The following OLA1 variants were observed in gnomAD, a reference collection of about 807,000 sequenced individuals.
OLA1 encodes the protein Obg like ATPase 1.
A neutral mutation model predicts 48.4 loss-of-function variants in OLA1; 14 were observed. That is an observed-to-expected ratio of 0.29 (90% CI 0.19 to 0.45). The LOEUF is 0.45. OLA1 is among the 20% of genes least tolerant of loss of function. The probability of loss-of-function intolerance (pLI) is 1.00; values close to 1 mark genes in which losing one functional copy is unlikely to be tolerated. For synonymous variants in OLA1, 127 were observed against 150.4 expected (o/e 0.84, Z 1.14); for missense variants, 325 against 467.1 (o/e 0.70, Z 2.80).
intron 5 of OLA1, among the ~76,000 whole-genome samples, chr2:174,131,988 G>A (rs900480126): frequency 4.0e-5 from 6 of 151,850 alleles, no homozygotes; most frequent in Admixed American, 2.0e-4. Context: ...AAGTCATCTG[G>A]GTCAGGACAT....
intron 7 of OLA1, among the ~76,000 whole-genome samples, chr2:174,106,751 T>C (rs1397260640): frequency 6.6e-6 from 1 of 152,150 alleles, no homozygotes; most frequent in Non-Finnish European, 1.5e-5. Flanking sequence ...AAGCTATTCT[T>C]ATTTTAGTGT....
chr2:174,236,873 A>C (rs1688863486), intron 2 of OLA1, among the ~76,000 whole-genome samples: 1 of 152,196 alleles, frequency 6.6e-6, no homozygotes, highest in Non-Finnish European at 1.5e-5. Flanking sequence ...CAGGCCTGGA[A>C]GGTGCTCTGG....
At chr2:174,188,856 GAT>G (rs1459368981) in intron 4 of OLA1, among the ~76,000 whole-genome samples, 1 of 152,128 alleles carries the variant, frequency 6.6e-6, no homozygotes, top group East Asian at 1.9e-4. Flanking sequence ...CCATACCCAA[GAT>G]ATCTCATTAT....
At chr2:174,082,649 C>T (rs1399703903) in intron 7 of OLA1, among the ~76,000 whole-genome samples, 2 of 152,030 alleles carry the variant, frequency 1.3e-5, no homozygotes, top group Admixed American at 6.6e-5. Context: ...TGGTTGATCA[C>T]GTACGCAGCT....
intron 4 of OLA1, among the ~76,000 whole-genome samples, chr2:174,216,949 T>C (rs373315318): frequency 2.6e-5 from 4 of 152,216 alleles, no homozygotes; most frequent in African/African-American, 9.6e-5. Flanking sequence ...TTTATATTAC[T>C]TGTAAGGCTT....
At chr2:174,214,355 TACTA>T (rs1353089602) in intron 4 of OLA1, among the ~76,000 whole-genome samples, 1 of 152,044 alleles carries the variant, frequency 6.6e-6, no homozygotes, top group Non-Finnish European at 1.5e-5. Context: ...AAATAAACAG[TACTA>T]ACTAAGCAAA....
At chr2:174,087,561 A>T (rs1184437808) in intron 7 of OLA1, among the ~76,000 whole-genome samples, 2 of 148,896 alleles carry the variant, frequency 1.3e-5, no homozygotes, top group East Asian at 3.8e-4. Flanking sequence ...AATAGATTTT[A>T]CACTTTGACT....
chr2:174,223,304 T>TC, intron 3 of OLA1, 144 bp from the exon 4 acceptor site: 1 of 724,556 alleles, frequency 1.4e-6, no homozygotes, highest in Non-Finnish European at 2.1e-6. Flanking sequence ...TATCCACCCC[T>TC]CCCCCCAAAA....
chr2:174,210,639 T>C (rs1015771755), intron 4 of OLA1, among the ~76,000 whole-genome samples: 1 of 152,178 alleles, frequency 6.6e-6, no homozygotes, highest in African/African-American at 2.4e-5. Flanking sequence ...TGTACCTAAA[T>C]TGCATACAGT....
chr2:174,077,380 A>G (rs1684769098), intron 10 of OLA1, among the ~76,000 whole-genome samples: 1 of 152,070 alleles, frequency 6.6e-6, no homozygotes, highest in Admixed American at 6.6e-5. Context: ...ACATATACAC[A>G]ATTTTGCTCT....
At chr2:174,247,908 C>T (rs910252005) in intron 1 of OLA1, 3 of 1,073,224 alleles carry the variant, frequency 2.8e-6, no homozygotes, top group African/African-American at 3.2e-5. Flanking sequence ...ATCACAAAGA[C>T]CGCTAAGCTC....
chr2:174,139,801 G>T (rs1686396182), intron 5 of OLA1, among the ~76,000 whole-genome samples: 1 of 149,346 alleles, frequency 6.7e-6, no homozygotes. Context: ...GGAGGCGGAG[G>T]TTGCAGTGAG....
intron 2 of OLA1, among the ~76,000 whole-genome samples, chr2:174,237,473 G>C (rs775860006): frequency 3.3e-5 from 5 of 152,058 alleles, no homozygotes; most frequent in Non-Finnish European, 5.9e-5. Flanking sequence ...GTATAGGCTG[G>C]GCATGGAGGC....
intron 3 of OLA1, among the ~76,000 whole-genome samples, chr2:174,227,094 T>TA (rs537871702): frequency 2.9e-4 from 42 of 144,010 alleles, no homozygotes; most frequent in African/African-American, 5.6e-4. Context: ...ATTCTGTCTT[T>TA]AAAAAAAAAA....
At position 174,072,555 on chromosome 2, in the gene OLA1, TTC is replaced by T. The variant is rs1407688466; in HGVS notation, c.*2869_*2870del. 2 of 152,210 alleles carry T rather than the reference TTC, an allele frequency of 1.3e-5. No homozygotes were observed. Among genetic ancestry groups the T allele is most frequent in the African/African-American group, 4.8e-5 (2 of 41,450 alleles). 9.4% of individuals were successfully genotyped at this position (152,210 alleles called of 1,614,324 possible). A position where few individuals can be genotyped will look rare whatever the true frequency, so the allele number is the denominator to read the frequency against. ...GTTTGCCATTAGGAACAACCGACAT[TTC>T]TCAAGTCTCTTGTAAAATAAAAAGA... On this transcript the variant is annotated 3_prime_UTR_variant, in exon 11 of 11. Transcript: ENST00000284719.
intron 4 of OLA1, among the ~76,000 whole-genome samples, chr2:174,181,833 T>C (rs1687548610): frequency 6.6e-6 from 1 of 152,212 alleles, no homozygotes; most frequent in African/African-American, 2.4e-5. Flanking sequence ...TATACTATGC[T>C]CCTTCCCTAC....
chr2:174,076,970 G>A (rs1422464264), intron 10 of OLA1, among the ~76,000 whole-genome samples: 1 of 151,852 alleles, frequency 6.6e-6, no homozygotes, highest in Non-Finnish European at 1.5e-5. Flanking sequence ...ACATATTAAT[G>A]TAACTTTATA....
intron 4 of OLA1, among the ~76,000 whole-genome samples, chr2:174,216,739 G>T (rs1688368962): frequency 6.6e-6 from 1 of 151,848 alleles, no homozygotes; most frequent in African/African-American, 2.4e-5. Context: ...TGTAGATGTG[G>T]ATCTCTCTAT....
intron 2 of OLA1, among the ~76,000 whole-genome samples, chr2:174,235,067 G>A (rs1688815994): frequency 6.6e-6 from 1 of 152,138 alleles, no homozygotes. Flanking sequence ...GCTGCGGTAG[G>A]AGAATTGCTT....
Sources: allele counts gnomAD v4.1 joint callset (sites outside exome capture counted in the v4.1 genomes callset), GRCh38; gene constraint gnomAD v4.1.1; transcripts MANE v1.5; gene names NCBI Gene and HGNC (gene_info 2026-07-23, HGNC 2026-07-21).